DNAH8: variants seen among roughly 807,000 people sequenced by gnomAD.
The protein encoded by DNAH8 is dynein axonemal heavy chain 8.
Under a neutral mutation model 562.1 loss-of-function variants are expected in DNAH8, and 382 were observed. That is an observed-to-expected ratio of 0.68 (90% CI 0.63 to 0.74). The LOEUF (loss-of-function observed/expected upper bound fraction) is 0.74. Ranked by LOEUF, DNAH8 falls within the 30% of genes least tolerant of loss-of-function variation. The probability of loss-of-function intolerance (pLI) is 0.00; values close to 1 mark genes in which losing one functional copy is unlikely to be tolerated. For missense variants in DNAH8, 5,203 were observed against 5,620.4 expected (o/e 0.93, Z 2.37); for synonymous variants, 1,881 against 1,919.4 (o/e 0.98, Z 0.52).
chr6:38,948,791 T>C (rs532315104), intron 80 of DNAH8, among the ~76,000 whole-genome samples: 2 of 152,316 alleles, frequency 1.3e-5, no homozygotes, highest in South Asian at 2.1e-4. Flanking sequence ...AAACCTGAAG[T>C]CCTTTTCATG....
intron 53 of DNAH8, 144 bp from the exon 54 acceptor site, chr6:38,882,766 G>A: frequency 1.8e-6 from 1 of 560,024 alleles, no homozygotes; most frequent in Non-Finnish European, 3.0e-6. Context: ...CATAAGATAA[G>A]CAGATATATT....
chr6:38,772,812 AT>A (rs1455374175), intron 12 of DNAH8, among the ~76,000 whole-genome samples: 4 of 151,376 alleles, frequency 2.6e-5, no homozygotes, highest in Non-Finnish European at 4.4e-5. Flanking sequence ...TTTTTTAAAC[AT>A]TTTTATTTAT....
rs74536243 is a variant in DNAH8 at position 38,952,033 on chromosome 6, G to A, written c.12451+513G>A. The stretch of plus-strand genomic sequence containing the variant: ...CAACACAGCTGGGAAAGACAGACAC[G>A]TAAACATGTAATTGAAGGCAATGTG... On this transcript the variant is annotated intron_variant, in intron 82 of 92. Coordinates refer to ENST00000327475, the MANE Select transcript of DNAH8 (RefSeq NM_001206927.2). Among the ~76,000 whole-genome samples, 1,688 of 152,254 alleles carry A rather than the reference G, an allele frequency of 0.011. 106 individuals carry two copies. In the East Asian group the frequency reaches 0.16, roughly 14 times the overall value.
chr6:38,808,743 T>C (rs1030701960), intron 24 of DNAH8, among the ~76,000 whole-genome samples: 1 of 152,164 alleles, frequency 6.6e-6, no homozygotes, highest in Non-Finnish European at 1.5e-5. Context: ...ATATATACCG[T>C]GGAATACTAT....
intron 82 of DNAH8, among the ~76,000 whole-genome samples, chr6:38,957,909 G>A (rs1318794523): frequency 7.1e-6 from 1 of 140,770 alleles, no homozygotes; most frequent in African/African-American, 2.7e-5. Flanking sequence ...ATAACCTAAT[G>A]TTGCATCTCA....
At chr6:38,781,449 T>C (rs1768605081) in intron 16 of DNAH8, 76 bp downstream of exon 16, 7 of 1,517,750 alleles carry the variant, frequency 4.6e-6, no homozygotes, top group Non-Finnish European at 6.3e-6. Flanking sequence ...CCTATAATAT[T>C]TGTGTGCATT....
At chr6:38,854,036 GTGTATATATATA>G (rs1194830477) in intron 41 of DNAH8, among the ~76,000 whole-genome samples, 1 of 151,976 alleles carries the variant, frequency 6.6e-6, no homozygotes, top group Non-Finnish European at 1.5e-5. Context: ...GTGTGTGTGT[GTGTATATATATA>G]TGTATATATA....
chr6:38,832,544 T>C, intron 31 of DNAH8, 109 bp downstream of exon 31: 1 of 624,908 alleles, frequency 1.6e-6, no homozygotes, highest in Non-Finnish European at 2.8e-6. Flanking sequence ...TGTGGCTATA[T>C]TTGCGTATTT....
chr6:38,807,817 A>G (rs934894134), intron 24 of DNAH8, 101 bp downstream of exon 24: 3 of 516,336 alleles, frequency 5.8e-6, no homozygotes, highest in Non-Finnish European at 9.1e-6. Context: ...AATTTAAAAT[A>G]TAGCATTCAT....
intron 37 of DNAH8, 95 bp from the exon 38 acceptor site, chr6:38,850,156 T>G: frequency 8.6e-7 from 1 of 1,163,940 alleles, no homozygotes; most frequent in Non-Finnish European, 1.2e-6. Context: ...TAATAGAGGC[T>G]GGTTTGAAGA....
chr6:39,019,535 A>G (rs1766769972), intron 91 of DNAH8, among the ~76,000 whole-genome samples: 2 of 152,160 alleles, frequency 1.3e-5, no homozygotes, highest in South Asian at 4.1e-4. Flanking sequence ...AACTGTGGTG[A>G]TGGTGGCTGT....
At chr6:38,795,089 A>G (rs4714183) in intron 21 of DNAH8, among the ~76,000 whole-genome samples, 21,812 of 152,166 alleles carry the variant, frequency 0.14, 2,133 homozygotes, top group East Asian at 0.52. Context: ...TTGGCTGACA[A>G]CTTTTTTATT....
intron 70 of DNAH8, among the ~76,000 whole-genome samples, chr6:38,919,935 A>G (rs898498342): frequency 2.6e-5 from 4 of 152,236 alleles, no homozygotes; most frequent in Non-Finnish European, 5.9e-5. Flanking sequence ...GCCAATAAAA[A>G]TAACATTAAA....
intron 52 of DNAH8, among the ~76,000 whole-genome samples, chr6:38,874,035 TTCTTTTC>T (rs1473258293): frequency 1.9e-5 from 1 of 52,948 alleles, no homozygotes; most frequent in African/African-American, 7.3e-5. Flanking sequence ...CCTTTTTCTT[TTCTTTTC>T]TTTCTTTCTT....
At chr6:38,719,381 A>C (rs1240692557) in intron 1 of DNAH8, among the ~76,000 whole-genome samples, 1 of 151,878 alleles carries the variant, frequency 6.6e-6, no homozygotes, top group Non-Finnish European at 1.5e-5. Context: ...CCTAACCCCC[A>C]TCCTTCCCTT....
At chr6:38,908,459 T>C (rs1256734276) in intron 64 of DNAH8, among the ~76,000 whole-genome samples, 1 of 152,210 alleles carries the variant, frequency 6.6e-6, no homozygotes, top group African/African-American at 2.4e-5. Context: ...CTGATGTAGG[T>C]TTGAAAATCT....
At chr6:38,841,346 G>A (rs1774768244) in intron 33 of DNAH8, among the ~76,000 whole-genome samples, 1 of 152,152 alleles carries the variant, frequency 6.6e-6, no homozygotes, top group Non-Finnish European at 1.5e-5. Context: ...TTGAACCCAG[G>A]AGGCAGAGGT....
In DNAH8 at chr6:38,907,957, T is replaced by C. The variant is rs1287636094; in HGVS notation, c.9350T>C (p.Ile3117Thr). The C allele has an allele frequency of 6.3e-7, 1 of 1,593,880 alleles. No homozygotes were observed. Among genetic ancestry groups the C allele is most frequent in the Non-Finnish European group, 8.5e-7 (1 of 1,171,986 alleles). The stretch of plus-strand genomic sequence containing the variant: ...CACTTCCTTGTCCATTCCTTAAAGA[T>C]CTCCAACTTGTTTGCACGAGATGAG... ...YLNNLLSSGE[I>T]SNLFARDEMD... Residue 3117 changes from isoleucine (I) to threonine (T), a missense_variant and splice_region_variant, in exon 64 of 93, where the codon ATC becomes ACC. Transcript: ENST00000327475.
In DNAH8 at chr6:38,945,603, G is replaced by C. The variant is rs773555639; in HGVS notation, c.12129+15G>C. On this transcript the variant is annotated intron_variant, in intron 80 of 92. Coordinates refer to ENST00000327475, the MANE Select transcript of DNAH8 (RefSeq NM_001206927.2). ...TTATGAACCAGGTAATACAATAAAG[G>C]GCTGGTTGAAAGTGCAGATCTGCAA... The C allele has an allele frequency of 1.9e-6, 3 of 1,613,466 alleles. No individual in the cohort carries two copies. The African/African-American group carries it at 4.0e-5, about 22-fold the overall frequency.
Sources: allele counts gnomAD v4.1 joint callset (sites outside exome capture counted in the v4.1 genomes callset), GRCh38; gene constraint gnomAD v4.1.1; transcripts MANE v1.5; gene names NCBI Gene and HGNC (gene_info 2026-07-23, HGNC 2026-07-21).